Variants in CRADD observed in about 807,000 individuals in gnomAD.
CRADD encodes death domain-containing protein CRADD.
In CRADD, 9 loss-of-function variants were observed where a neutral mutation model predicts 15.5. That is an observed-to-expected ratio of 0.58 (90% CI 0.35 to 1.01). The LOEUF (loss-of-function observed/expected upper bound fraction) is 1.01. CRADD is among the 50% of genes least tolerant of loss of function. The probability of loss-of-function intolerance (pLI) is 0.02; values close to 1 mark genes in which losing one functional copy is unlikely to be tolerated. For synonymous variants in CRADD, 118 were observed against 107.6 expected (o/e 1.10, Z -0.60); for missense variants, 227 against 250.3 (o/e 0.91, Z 0.63).
intron 2 of CRADD, among the ~76,000 whole-genome samples, chr12:93,770,129 T>A (rs1957069290): frequency 7.3e-6 from 1 of 137,438 alleles, no homozygotes. Context: ...GGAGTCTCGC[T>A]CTGTGGCCCA....
At chr12:93,772,757 G>A (rs1256053867) in intron 2 of CRADD, among the ~76,000 whole-genome samples, 1 of 152,160 alleles carries the variant, frequency 6.6e-6, no homozygotes, top group Non-Finnish European at 1.5e-5. Flanking sequence ...GTCAGATCCA[G>A]GGTTGGACTG....
chr12:93,834,269 G>A (rs1957949772), intron 2 of CRADD, among the ~76,000 whole-genome samples: 1 of 152,086 alleles, frequency 6.6e-6, no homozygotes, highest in East Asian at 1.9e-4. Flanking sequence ...TAGACAGTAT[G>A]GACTTCCTTT....
At chr12:93,808,463 G>C (rs147278595) in intron 2 of CRADD, among the ~76,000 whole-genome samples, 58 of 152,192 alleles carry the variant, frequency 3.8e-4, no homozygotes, top group African/African-American at 1.4e-3. Context: ...GATCTCCACC[G>C]TGGGGATTAT....
At chr12:93,829,935 G>C (rs1286378762) in intron 2 of CRADD, among the ~76,000 whole-genome samples, 1 of 151,976 alleles carries the variant, frequency 6.6e-6, no homozygotes, top group African/African-American at 2.4e-5. Context: ...CAGGCAATCC[G>C]CCCACCTCGG....
At chr12:93,886,287 A>G (rs115381495) in intron 2 of CRADD, among the ~76,000 whole-genome samples, 1 of 151,214 alleles carries the variant, frequency 6.6e-6, no homozygotes, top group East Asian at 2.0e-4. Context: ...CAGTCTCCCA[A>G]ATAGCTAGGA....
intron 2 of CRADD, among the ~76,000 whole-genome samples, chr12:93,741,710 T>G (rs1410478742): frequency 1.3e-5 from 2 of 152,216 alleles, no homozygotes; most frequent in Non-Finnish European, 1.5e-5. Context: ...GACGATGGGC[T>G]TTAGAACAAA....
intron 2 of CRADD, among the ~76,000 whole-genome samples, chr12:93,705,500 T>C (rs61928987): frequency 0.038 from 5,754 of 152,316 alleles, 172 homozygotes; most frequent in South Asian, 0.067. Context: ...AAGAGATGCA[T>C]TGGAAATACA....
chr12:93,762,389 T>G (rs530091131), intron 2 of CRADD, among the ~76,000 whole-genome samples: 7 of 152,314 alleles, frequency 4.6e-5, no homozygotes, highest in African/African-American at 1.7e-4. Context: ...TTGAACCAGT[T>G]AACAAACAGT....
intron 2 of CRADD, among the ~76,000 whole-genome samples, chr12:93,693,013 A>G (rs1955610271): frequency 6.6e-6 from 1 of 152,184 alleles, no homozygotes; most frequent in African/African-American, 2.4e-5. Context: ...TTGAGTTGTT[A>G]TCAGCTTAAA....
intron 2 of CRADD, among the ~76,000 whole-genome samples, chr12:93,680,831 G>A (rs1955270608): frequency 6.6e-6 from 1 of 152,062 alleles, no homozygotes; most frequent in South Asian, 2.1e-4. Flanking sequence ...TAATTTTATG[G>A]TCATTTTGGG....
chr12:93,841,221 A>G (rs777527512), intron 2 of CRADD, among the ~76,000 whole-genome samples: 10 of 152,146 alleles, frequency 6.6e-5, no homozygotes, highest in African/African-American at 1.7e-4. Flanking sequence ...TTTTGATTCA[A>G]TTACTTAATA....
intron 2 of CRADD, among the ~76,000 whole-genome samples, chr12:93,807,283 C>G (rs192884649): frequency 6.6e-6 from 1 of 152,114 alleles, no homozygotes; most frequent in African/African-American, 2.4e-5. Context: ...CAATAAATAC[C>G]TTTTCATAGG....
chr12:93,825,153 G>A (rs1957810137), intron 2 of CRADD, among the ~76,000 whole-genome samples: 1 of 152,178 alleles, frequency 6.6e-6, no homozygotes, highest in South Asian at 2.1e-4. Flanking sequence ...TCATTTAGAT[G>A]TCTCTGGTAT....
chr12:93,718,267 A>G (rs1034089466), intron 2 of CRADD, among the ~76,000 whole-genome samples: 6 of 152,180 alleles, frequency 3.9e-5, no homozygotes, highest in African/African-American at 1.4e-4. Context: ...AATAGCTGAC[A>G]TTTTGACAGT....
intron 2 of CRADD, among the ~76,000 whole-genome samples, chr12:93,705,054 A>T (rs1955916751): frequency 6.6e-6 from 1 of 152,218 alleles, no homozygotes; most frequent in Non-Finnish European, 1.5e-5. Context: ...ACTATCTGGA[A>T]TTATCCTCCG....
At chr12:93,894,544 G>C (rs531785608) in exon 3 of CRADD, 1 of 177,178 alleles carries the variant, frequency 5.6e-6, no homozygotes, top group Non-Finnish European at 1.2e-5. Flanking sequence ...ATGCCCTTTG[G>C]CAGTGGCCAA....
intron 2 of CRADD, among the ~76,000 whole-genome samples, chr12:93,841,824 CG>C (rs1462817947): frequency 2.6e-5 from 4 of 152,162 alleles, no homozygotes; most frequent in Non-Finnish European, 4.4e-5. Flanking sequence ...ACAGTCTCTT[CG>C]CTCAGCTTTT....
chr12:93,747,096 T>A (rs957139843), intron 2 of CRADD, among the ~76,000 whole-genome samples: 2 of 147,440 alleles, frequency 1.4e-5, no homozygotes, highest in Non-Finnish European at 3.1e-5. Flanking sequence ...TTTATTACAC[T>A]TTTTTTAAAA....
chr12:93,714,075 G>A (rs1387822270), intron 2 of CRADD, among the ~76,000 whole-genome samples: 1 of 152,238 alleles, frequency 6.6e-6, no homozygotes, highest in Admixed American at 6.5e-5. Flanking sequence ...TCAAAAGGTC[G>A]AACGAAGACA....
Sources: allele counts gnomAD v4.1 joint callset (sites outside exome capture counted in the v4.1 genomes callset), GRCh38; gene constraint gnomAD v4.1.1; transcripts MANE v1.5; gene names NCBI Gene and HGNC (gene_info 2026-07-23, HGNC 2026-07-21).